Variants in HEY1 observed in about 807,000 individuals in gnomAD.
HEY1 encodes hairy/enhancer-of-split related with YRPW motif protein 1.
In HEY1, 9 loss-of-function variants were observed where a neutral mutation model predicts 28.7. The observed-to-expected ratio is 0.31, with a 90% CI of 0.19 to 0.55. The LOEUF (loss-of-function observed/expected upper bound fraction) is 0.55. Ranked by LOEUF, HEY1 falls within the 20% of genes least tolerant of loss-of-function variation. The pLI is 0.93. For missense variants in HEY1, 385 were observed against 399.4 expected (o/e 0.96, Z 0.31); for synonymous variants, 213 against 175.6 (o/e 1.21, Z -1.68).
At position 79,765,635 on chromosome 8, in the gene HEY1, C is replaced by A. The variant is rs543746815; in HGVS notation, c.468G>T (p.Ser156=). ...GCTGGGAAGCGTAGTTGTTGAGATG[C>A]GAAACCAGTCGAACTCGAAGCGGGT... The part of the protein sequence containing the change: ...ASDPLRVRLV[S]HLNNYASQRE... The change falls in exon 5 of 5, where the codon TCG becomes TCT. Residue 156 remains serine, a synonymous_variant. Transcript: ENST00000354724. 324 of 1,614,230 alleles carry A rather than the reference C, an allele frequency of 2.0e-4. 5 individuals are homozygous for A. The South Asian group carries it at 3.5e-3, about 17-fold the overall frequency.
At chr8:79,767,514 G>A (rs1807876291) in intron 1 of HEY1, 61 bp downstream of exon 1, 2 of 1,494,338 alleles carry the variant, frequency 1.3e-6, no homozygotes, top group Non-Finnish European at 1.8e-6. Flanking sequence ...CGCTGTCACC[G>A]CGGCAGGCCT....
rs1374401354 is a variant in HEY1 at position 79,764,881 on chromosome 8, G to C, written c.*307C>G. On this transcript the variant is annotated 3_prime_UTR_variant, in exon 5 of 5. Coordinates refer to ENST00000354724, the MANE Select transcript of HEY1 (RefSeq NM_012258.4). ...TTGAGGCAAAAACGGAATCATTCTG[G>C]TTTACAAAGTAAATTAGGCACAGTA... 19 of 264,860 alleles carry C rather than the reference G, an allele frequency of 7.2e-5. No individual in the cohort carries two copies. Among genetic ancestry groups the C allele is most frequent in the East Asian group, 1.2e-4 (2 of 17,258 alleles). 16.4% of individuals were successfully genotyped at this position (264,860 alleles called of 1,614,324 possible).
Position 79,765,070 on chromosome 8 carries a change from T to C in HEY1, c.*118A>G, listed in dbSNP as rs62514914. Reference sequence around the variant, plus strand: ...AACCTTTAGTCTTTAAAAAAAAAATTATCTGAAAGTGTACCTTTTTCCTTT... The same window carrying C: ...AACCTTTAGTCTTTAAAAAAAAAATCATCTGAAAGTGTACCTTTTTCCTTT... On this transcript the variant is annotated 3_prime_UTR_variant, in exon 5 of 5. Coordinates refer to ENST00000354724, the MANE Select transcript of HEY1 (RefSeq NM_012258.4). 9.3e-6 allele frequency: 6 copies of C among 642,798 alleles called. No individual in the cohort carries two copies. The highest frequency in any genetic ancestry group is 3.7e-5 in the African/African-American group (2 of 53,566). 39.8% of individuals were successfully genotyped at this position (642,798 alleles called of 1,614,324 possible). A position where few individuals can be genotyped will look rare whatever the true frequency, so the allele number is the denominator to read the frequency against.
rs1459915451 is a variant in HEY1, at chr8:79,765,171, C to T, written c.*17G>A. ...TGGGATTTTAAACTTTCCCCTCCCT[C>T]ATTCTACATCAGTTCTTTAAAAAGC... On this transcript the variant is annotated 3_prime_UTR_variant, in exon 5 of 5. Transcript: ENST00000354724. The T allele has an allele frequency of 2.7e-6, 4 of 1,509,412 alleles. No homozygotes were observed. The allele number at this position is 1,509,412 out of a possible 1,614,324, so 93.5% of individuals were successfully genotyped here.
intron 3 of HEY1, 92 bp from the exon 4 acceptor site, chr8:79,766,824 T>C: frequency 7.0e-7 from 1 of 1,429,618 alleles, no homozygotes; most frequent in Non-Finnish European, 9.8e-7. Context: ...GATACATGCT[T>C]TGTAAATCGT....
intron 4 of HEY1, chr8:79,766,138 G>A: frequency 8.4e-7 from 1 of 1,189,148 alleles, no homozygotes; most frequent in Non-Finnish European, 1.2e-6. Flanking sequence ...AGTTATCATC[G>A]CGGAGCTTTT....
At position 79,767,303 on chromosome 8, in the gene HEY1, A is replaced by T. The variant is rs1807870031; in HGVS notation, c.90-9T>A. Reference sequence around the variant, plus strand: ...GAGCCGAACTCAAGTTTCTGAAAAGAGAAAAAGAACAAACAAAAACTGAAA... The same window carrying T: ...GAGCCGAACTCAAGTTTCTGAAAAGTGAAAAAGAACAAACAAAAACTGAAA... On this transcript the variant is annotated splice_polypyrimidine_tract_variant and intron_variant, in intron 1 of 4. Coordinates refer to ENST00000354724, the MANE Select transcript of HEY1 (RefSeq NM_012258.4). The T allele has an allele frequency of 6.2e-7, 1 of 1,609,296 alleles. No individual in the cohort carries two copies. The highest frequency in any genetic ancestry group is 8.5e-7 in the Non-Finnish European group (1 of 1,178,004).
In HEY1 at chr8:79,765,527, G is replaced by A. The variant is rs753643907; in HGVS notation, c.576C>T (p.His192=). The change falls in exon 5 of 5, where the codon CAC becomes CAT. Residue 192 remains histidine (H), a synonymous_variant. Transcript: ENST00000354724. ...TVFGHHPHIA[H]PLLLPQNGHG... is the part of the protein sequence containing the mutation. ...GGCCGTTCTGGGGCAGCAACAGCGG[G>A]TGCGCGATGTGCGGGTGATGTCCGA... 13 of 1,613,740 alleles carry A rather than the reference G, an allele frequency of 8.1e-6. No individual in the cohort carries two copies. The highest frequency in any genetic ancestry group is 1.1e-5 in the Non-Finnish European group (13 of 1,179,994).
rs765182502 is a variant in HEY1 at position 79,767,692 on chromosome 8, G to T, written c.-29C>A. The T allele has an allele frequency of 6.5e-7, 1 of 1,548,924 alleles. No individual in the cohort carries two copies. The highest frequency in any genetic ancestry group is 8.8e-7 in the Non-Finnish European group (1 of 1,142,640). ...GGCTCCCTGGGGGTTCCTGGGGAGG[G>T]TCGGCGCGGCGGGCAGGGAGGAGTT... is the stretch of plus-strand genomic sequence containing the variant. On this transcript the variant is annotated 5_prime_UTR_variant, in exon 1 of 5. Coordinates refer to ENST00000354724, the MANE Select transcript of HEY1 (RefSeq NM_012258.4).
rs1807789443 is a variant in HEY1 at position 79,764,942 on chromosome 8, T to C, written c.*246A>G. The C allele has an allele frequency of 2.5e-6, 1 of 403,736 alleles. No homozygotes were observed. The highest frequency in any genetic ancestry group is 4.1e-5 in the Admixed American group (1 of 24,338). The allele number at this position is 403,736 out of a possible 1,614,324, so 25.0% of individuals were successfully genotyped here. The stretch of plus-strand genomic sequence containing the variant: ...ACAAAGTGTTGGCTTATACTCACTA[T>C]TTCAATTTAATGTCTTGAACAAAAT... On this transcript the variant is annotated 3_prime_UTR_variant, in exon 5 of 5. Coordinates refer to ENST00000354724, the MANE Select transcript of HEY1 (RefSeq NM_012258.4).
chr8:79,766,535 C>T (rs1807842629), intron 4 of HEY1, 116 bp downstream of exon 4: 3 of 1,543,686 alleles, frequency 1.9e-6, no homozygotes, highest in Admixed American at 3.9e-5. Flanking sequence ...CACCACACAC[C>T]GTTCTCTCCC....
chr8:79,766,452 G>A, intron 4 of HEY1, 199 bp downstream of exon 4: 1 of 1,486,390 alleles, frequency 6.7e-7, no homozygotes, highest in Non-Finnish European at 8.9e-7. Context: ...TCAATCCGCA[G>A]AGAGCTGGGG....
intron 4 of HEY1, 113 bp from the exon 5 acceptor site, chr8:79,765,884 CAG>C (rs1178050803): frequency 2.2e-6 from 2 of 915,610 alleles, no homozygotes; most frequent in Admixed American, 5.8e-5. Flanking sequence ...ACACAACAGT[CAG>C]GGGTTCTTCC....
intron 1 of HEY1, 69 bp from the exon 2 acceptor site, chr8:79,767,363 C>G: frequency 7.3e-7 from 1 of 1,370,724 alleles, no homozygotes; most frequent in Admixed American, 1.8e-5. Context: ...TCTGAGAGGT[C>G]GCCCCCACAC....
At chr8:79,766,857 C>A in intron 3 of HEY1, 125 bp from the exon 4 acceptor site, 2 of 1,230,820 alleles carry the variant, frequency 1.6e-6, no homozygotes, top group South Asian at 1.3e-5. Context: ...AAAGCAAAAT[C>A]AGTTGTCTTC....
Position 79,765,008 on chromosome 8 carries a change from T to C in HEY1, c.*180A>G, listed in dbSNP as rs1424015897. On this transcript the variant is annotated 3_prime_UTR_variant, in exon 5 of 5. Transcript: ENST00000354724. ...TAAAAACTGCTAATACATGACATGA[T>C]GAAAAAAACATTAAAAAAGATAAAA... is the stretch of plus-strand genomic sequence containing the variant. 4 of 522,794 alleles carry C rather than the reference T, an allele frequency of 7.7e-6. No homozygotes were observed. Among genetic ancestry groups the C allele is most frequent in the East Asian group, 6.2e-5 (2 of 32,516 alleles). The allele number at this position is 522,794 out of a possible 1,614,324, so 32.4% of individuals were successfully genotyped here.
Position 79,765,768 on chromosome 8 carries a change from T to G in HEY1, c.335A>C (p.Tyr112Ser). 3 of 1,598,336 alleles carry G rather than the reference T, an allele frequency of 1.9e-6. No homozygotes were observed. Among genetic ancestry groups the G allele is most frequent in the Non-Finnish European group, 2.6e-6 (3 of 1,169,118 alleles). ...CATAGCAAGGGCGTGCGCGTCAAAG[T>G]AACCTAAGCAAAAGAACAAAAGAAA... is the stretch of plus-strand genomic sequence containing the variant. ...KMLHTAGGKG[Y>S]FDAHALAMDY... Residue 112 changes from tyrosine (Y) to serine (S), a missense_variant, in exon 5 of 5, where the codon TAC becomes TCC. By Grantham distance (144) the Tyr-to-Ser change is moderately radical (BLOSUM62 -2). This residue lies in a region of HEY1 where 83 missense variants were observed against 122.7 expected (regional missense o/e 0.68). Transcript: ENST00000354724.
intron 4 of HEY1, chr8:79,766,389 C>T (rs1241974712): frequency 2.1e-6 from 3 of 1,456,774 alleles, no homozygotes; most frequent in Non-Finnish European, 2.7e-6. Context: ...AGGGCTGTCA[C>T]AACTTTTGAA....
intron 4 of HEY1, chr8:79,766,308 C>A (rs996139372): frequency 2.2e-5 from 34 of 1,514,062 alleles, no homozygotes; most frequent in Admixed American, 1.3e-4. Flanking sequence ...AAAAATAAGA[C>A]CACATATTGT....
Sources: allele counts gnomAD v4.1 joint callset, GRCh38; gene constraint gnomAD v4.1.1; regional missense constraint gnomAD v4.1.1; transcripts MANE v1.5; gene names NCBI Gene and HGNC (gene_info 2026-07-23, HGNC 2026-07-21).